Variants in SWT1 observed in about 807,000 individuals in gnomAD.
The protein encoded by SWT1 is transcriptional protein SWT1.
Under a neutral mutation model 107.3 loss-of-function variants are expected in SWT1, and 33 were observed. The ratio of observed to expected loss-of-function variants is 0.31; its 90% CI spans 0.23 to 0.41. The LOEUF (loss-of-function observed/expected upper bound fraction) is 0.41, where lower values mean the gene tolerates loss of function less well. SWT1 is among the 10% of genes least tolerant of loss of function. SWT1 has a pLI of 1.00. For missense variants in SWT1, 898 were observed against 1,028.9 expected, an observed-to-expected ratio of 0.87 and a Z score of 1.74; for synonymous variants, 345 against 348.3, an observed-to-expected ratio of 0.99 and a Z score of 0.11.
intron 10 of SWT1, among the ~76,000 whole-genome samples, chr1:185,199,161 C>T (rs1396395964): frequency 2.0e-5 from 3 of 152,138 alleles, no homozygotes; most frequent in South Asian, 2.1e-4. Context: ...TGGTCTGGAA[C>T]TCCTGGCCTC....
rs762824720 is a variant in SWT1, at chr1:185,214,490, T to C, written c.1973-17T>C. On this transcript the variant is annotated splice_polypyrimidine_tract_variant and intron_variant, in intron 13 of 18. Transcript: ENST00000367500. ...CTCATTCTTCCATATTTTTCTGTCTTAATTTTCTGTTACCAGCTAATAAGG... is the reference window on the plus strand; with the variant it reads ...CTCATTCTTCCATATTTTTCTGTCTCAATTTTCTGTTACCAGCTAATAAGG... The C allele has an allele frequency of 2.5e-6, 4 of 1,589,116 alleles. No individual in the cohort carries two copies. Among genetic ancestry groups the C allele is most frequent in the Non-Finnish European group, 3.4e-6 (4 of 1,168,252 alleles).
In SWT1 at chr1:185,222,762, C is replaced by CAAA. The variant is rs59515070; in HGVS notation, c.2309+749_2309+751dup. On this transcript the variant is annotated intron_variant, in intron 15 of 18. Coordinates refer to ENST00000367500, the MANE Select transcript of SWT1 (RefSeq NM_017673.7). ...TGGGTGACAAAGCAAGACGCCATCT[C>CAAA]AAAAAAAAAAAAAAAAAAAAAAAAA... Among the ~76,000 whole-genome samples, 305 of 35,950 alleles carry CAAA rather than the reference C, an allele frequency of 8.5e-3. 16 individuals carry two copies. Among genetic ancestry groups the CAAA allele is most frequent in the African/African-American group, 0.027 (291 of 10,860 alleles). The allele number at this position is 35,950 out of a possible 152,430, so 23.6% of individuals were successfully genotyped here. A position where few individuals can be genotyped will look rare whatever the true frequency, so the allele number is the denominator to read the frequency against.
chr1:185,194,327 G>A (rs1571467326), intron 10 of SWT1, among the ~76,000 whole-genome samples: 4 of 151,766 alleles, frequency 2.6e-5, no homozygotes, highest in Admixed American at 2.0e-4. Flanking sequence ...TTTTCTATTT[G>A]TTTTGTTCCA....
At chr1:185,208,371 G>A (rs548133577) in intron 13 of SWT1, among the ~76,000 whole-genome samples, 13 of 152,250 alleles carry the variant, frequency 8.5e-5, no homozygotes, top group Admixed American at 2.6e-4. Context: ...GCAGTGGTAG[G>A]GGATGATAAG....
chr1:185,183,964 T>C (rs1216779303), intron 7 of SWT1, among the ~76,000 whole-genome samples: 3 of 152,164 alleles, frequency 2.0e-5, no homozygotes, highest in Admixed American at 2.0e-4. Flanking sequence ...CACTTTGACT[T>C]AGACGATTCT....
intron 16 of SWT1, among the ~76,000 whole-genome samples, chr1:185,232,334 G>A (rs1327877349): frequency 6.6e-6 from 1 of 152,098 alleles, no homozygotes; most frequent in African/African-American, 2.4e-5. Context: ...GATTTTAGCT[G>A]TGTAAAAACT....
intron 14 of SWT1, among the ~76,000 whole-genome samples, chr1:185,218,122 T>C (rs1659362905): frequency 6.6e-6 from 1 of 152,180 alleles, no homozygotes; most frequent in African/African-American, 2.4e-5. Context: ...ATATGTCTTA[T>C]ATATTTGGTC....
chr1:185,205,707 C>T (rs1017833234), intron 12 of SWT1, among the ~76,000 whole-genome samples: 1 of 152,124 alleles, frequency 6.6e-6, no homozygotes, highest in African/African-American at 2.4e-5. Flanking sequence ...TGTATCTATT[C>T]CAGCTGTTCT....
chr1:185,271,098 A>G (rs1300551940), intron 16 of SWT1, among the ~76,000 whole-genome samples: 1 of 152,232 alleles, frequency 6.6e-6, no homozygotes, highest in Non-Finnish European at 1.5e-5. Context: ...TGATGTTATA[A>G]GCATGAATTT....
intron 15 of SWT1, among the ~76,000 whole-genome samples, chr1:185,228,624 A>C (rs1006931759): frequency 1.3e-5 from 2 of 152,202 alleles, no homozygotes; most frequent in African/African-American, 4.8e-5. Flanking sequence ...TCAAGGGAAA[A>C]TGTTGTATTT....
At chr1:185,210,997 A>G (rs1156955053) in intron 13 of SWT1, among the ~76,000 whole-genome samples, 1 of 150,650 alleles carries the variant, frequency 6.6e-6, no homozygotes, top group African/African-American at 2.4e-5. Context: ...AGGGATGTGA[A>G]GGTCCTCGTC....
intron 16 of SWT1, among the ~76,000 whole-genome samples, chr1:185,231,950 C>G (rs997731849): frequency 1.3e-5 from 2 of 152,102 alleles, no homozygotes; most frequent in African/African-American, 2.4e-5. Flanking sequence ...CACAAAAATA[C>G]TGTTCTTTGT....
chr1:185,175,852 G>T (rs111246322), intron 5 of SWT1, among the ~76,000 whole-genome samples: 23 of 152,238 alleles, frequency 1.5e-4, no homozygotes, highest in African/African-American at 5.5e-4. Flanking sequence ...AACACAGTTT[G>T]TTTTCAGGGA....
chr1:185,253,616 T>C (rs1662232344), intron 16 of SWT1, among the ~76,000 whole-genome samples: 1 of 151,800 alleles, frequency 6.6e-6, no homozygotes, highest in African/African-American at 2.4e-5. Flanking sequence ...TTGTGATTTT[T>C]GTACATTGAT....
At chr1:185,169,430 A>G (rs771350945) in intron 4 of SWT1, among the ~76,000 whole-genome samples, 1 of 152,126 alleles carries the variant, frequency 6.6e-6, no homozygotes, top group Non-Finnish European at 1.5e-5. Flanking sequence ...AAATCTCCGT[A>G]TTAATTCAGC....
chr1:185,197,001 T>C (rs1657448898), intron 10 of SWT1, among the ~76,000 whole-genome samples: 1 of 152,166 alleles, frequency 6.6e-6, no homozygotes. Context: ...TGAATAGGAG[T>C]GGAGAGAGAG....
chr1:185,165,563 T>C (rs574172557), intron 2 of SWT1, among the ~76,000 whole-genome samples: 2 of 152,350 alleles, frequency 1.3e-5, no homozygotes, highest in East Asian at 3.9e-4. Flanking sequence ...TGCTTCCTTA[T>C]AGTCTGTTCT....
At chr1:185,198,820 G>A (rs1657624407) in intron 10 of SWT1, among the ~76,000 whole-genome samples, 1 of 148,794 alleles carries the variant, frequency 6.7e-6, no homozygotes, top group African/African-American at 2.5e-5. Context: ...TTTATTTTGA[G>A]CCTATGTGTG....
chr1:185,281,184 A>T, intron 18 of SWT1: 1 of 232,940 alleles, frequency 4.3e-6, no homozygotes, highest in Non-Finnish European at 8.6e-6. Context: ...TGCCATTGCC[A>T]TCAATGAAGT....
Sources: allele counts gnomAD v4.1 joint callset (sites outside exome capture counted in the v4.1 genomes callset), GRCh38; gene constraint gnomAD v4.1.1; transcripts MANE v1.5; gene names NCBI Gene and HGNC (gene_info 2026-07-23, HGNC 2026-07-21).